FBXO47: variants seen among roughly 807,000 people sequenced by gnomAD.
FBXO47 encodes the protein F-box protein 47, also known as F-box only protein 47.
A neutral mutation model predicts 53.9 loss-of-function variants in FBXO47; 34 were observed. That is an observed-to-expected ratio of 0.63 (90% CI 0.48 to 0.84). The LOEUF is 0.84. Ranked by LOEUF, FBXO47 falls within the 40% of genes least tolerant of loss-of-function variation. The pLI is 0.00. For missense variants in FBXO47, 485 were observed against 541.3 expected (o/e 0.90, Z 1.03); for synonymous variants, 165 against 181.6 (o/e 0.91, Z 0.73).
intron 6 of FBXO47, 93 bp from the exon 7 acceptor site, chr17:38,945,229 T>TTCTAAACTAGGA: frequency 1.2e-6 from 1 of 867,678 alleles, no homozygotes; most frequent in Non-Finnish European, 1.8e-6. Context: ...TCATTATGGT[T>TTCTAAACTAGGA]AGTGATAGTA....
intron 5 of FBXO47, among the ~76,000 whole-genome samples, chr17:38,953,125 C>CCACACACACACACA (rs768926649): frequency 1.0e-4 from 12 of 117,870 alleles, no homozygotes; most frequent in African/African-American, 1.7e-4. Flanking sequence ...AAAAAAAAAA[C>CCACACACACACACA]CACACACACA....
intron 5 of FBXO47, 101 bp from the exon 6 acceptor site, chr17:38,951,790 G>A (rs987325079): frequency 1.3e-6 from 1 of 788,512 alleles, no homozygotes; most frequent in African/African-American, 1.7e-5. Flanking sequence ...CAACACTTTG[G>A]GAGGCCAAGG....
intron 6 of FBXO47, among the ~76,000 whole-genome samples, chr17:38,946,467 A>AT (rs1567716841): frequency 3.8e-4 from 27 of 71,978 alleles, no homozygotes; most frequent in Admixed American, 2.2e-3. Flanking sequence ...AATATATATG[A>AT]ATATATATAA....
Position 38,945,275 on chromosome 17 carries a change from A to G in FBXO47, c.617-139T>C, listed in dbSNP as rs9900227. The stretch of plus-strand genomic sequence containing the variant: ...CTAAACAGGAAGTAACCAAGAGATT[A>G]TCTATTCTTAAACTCCCCTAACTTC... On this transcript the variant is annotated intron_variant, in intron 6 of 10. Coordinates refer to ENST00000378079, the MANE Select transcript of FBXO47 (RefSeq NM_001008777.3). 8.8e-3 allele frequency: 5,369 copies of G among 609,970 alleles called. 220 individuals are homozygous for G. The African/African-American group carries it at 0.09, about 10-fold the overall frequency. 37.8% of individuals were successfully genotyped at this position (609,970 alleles called of 1,614,324 possible).
intron 9 of FBXO47, among the ~76,000 whole-genome samples, chr17:38,939,201 G>A (rs1345131340): frequency 7.0e-6 from 1 of 143,612 alleles, no homozygotes; most frequent in African/African-American, 2.6e-5. Context: ...GCTGAGGCAG[G>A]AGAATCACTT....
intron 1 of FBXO47, among the ~76,000 whole-genome samples, chr17:38,965,038 C>T (rs944396274): frequency 3.3e-5 from 5 of 151,954 alleles, no homozygotes; most frequent in East Asian, 3.9e-4. Flanking sequence ...TTAGTAGAGA[C>T]GGGGTTTCAC....
At chr17:38,964,224 C>T (rs886968749) in intron 1 of FBXO47, among the ~76,000 whole-genome samples, 3 of 152,106 alleles carry the variant, frequency 2.0e-5, no homozygotes, top group African/African-American at 4.8e-5. Context: ...CTTTGGGAGG[C>T]GGAGGTGGGT....
chr17:38,941,972 G>A (rs925893491), intron 9 of FBXO47, among the ~76,000 whole-genome samples: 4 of 151,704 alleles, frequency 2.6e-5, no homozygotes, highest in Non-Finnish European at 5.9e-5. Flanking sequence ...CATCCCGTCC[G>A]GCCTAAATAT....
At chr17:38,956,230 T>A (rs1158594658) in intron 4 of FBXO47, among the ~76,000 whole-genome samples, 1 of 152,036 alleles carries the variant, frequency 6.6e-6, no homozygotes, top group Non-Finnish European at 1.5e-5. Context: ...ATGAATTGGA[T>A]GACAGAAAGG....
At position 38,967,379 on chromosome 17, in the gene FBXO47, A is replaced by T. The variant is rs956439112; in HGVS notation, c.-177T>A. 1.3e-5 allele frequency: 2 copies of T among 152,120 alleles called. No individual in the cohort carries two copies. Among genetic ancestry groups the T allele is most frequent in the African/African-American group, 4.8e-5 (2 of 41,428 alleles). 9.4% of individuals were successfully genotyped at this position (152,120 alleles called of 1,614,324 possible). A position where few individuals can be genotyped will look rare whatever the true frequency, so the allele number is the denominator to read the frequency against. ...GGAGGCGAGAGGGTCACACTCCCGT[A>T]GGCTCCGGAGCTGCAGCCCTACCCA... On this transcript the variant is annotated 5_prime_UTR_variant, in exon 1 of 11. Coordinates refer to ENST00000378079, the MANE Select transcript of FBXO47 (RefSeq NM_001008777.3).
At chr17:38,946,927 CAT>C (rs1376044090) in intron 6 of FBXO47, among the ~76,000 whole-genome samples, 23 of 107,282 alleles carry the variant, frequency 2.1e-4, no homozygotes, top group African/African-American at 6.0e-4. Flanking sequence ...CATATATAAA[CAT>C]ATAAATATAT....
At chr17:38,945,265 C>A in intron 6 of FBXO47, 129 bp from the exon 7 acceptor site, 1 of 632,540 alleles carries the variant, frequency 1.6e-6, no homozygotes, top group African/African-American at 1.8e-5. Context: ...CAGGAAGTAA[C>A]CAAGAGATTA....
chr17:38,950,829 C>T (rs1210402576), intron 6 of FBXO47, among the ~76,000 whole-genome samples: 2 of 151,982 alleles, frequency 1.3e-5, no homozygotes, highest in East Asian at 1.9e-4. Context: ...TGCTTTTTGC[C>T]CCACTGTCTT....
At position 38,945,088 on chromosome 17, in the gene FBXO47, A is replaced by C. The variant is rs368285413; in HGVS notation, c.665T>G (p.Val222Gly). The change falls in exon 7 of 11, where the codon GTC becomes GGC. Residue 222 changes from valine (V) to glycine (G), a missense_variant. Val to Gly is a moderately radical substitution (Grantham distance 109). Coordinates refer to ENST00000378079, the MANE Select transcript of FBXO47 (RefSeq NM_001008777.3). ...TCGATGTGTCCAATGATCAAGGAGG[A>C]CATTCCTACAGAAGAGTCTGATTCT... ...ELRIRLFCRN[V>G]LLDHWTHRSD... The C allele has an allele frequency of 1.1e-5, 18 of 1,613,900 alleles. No homozygotes were observed. In the East Asian group the frequency reaches 4.0e-4, roughly 36 times the overall value.
intron 8 of FBXO47, 137 bp downstream of exon 8, chr17:38,943,453 C>T: frequency 1.9e-6 from 1 of 515,442 alleles, no homozygotes; most frequent in Non-Finnish European, 3.2e-6. Flanking sequence ...TAATGCCAAA[C>T]TCTTTAAATA....
intron 5 of FBXO47, among the ~76,000 whole-genome samples, chr17:38,953,813 CAAAG>C (rs1598145806): frequency 6.6e-6 from 1 of 151,748 alleles, no homozygotes; most frequent in Non-Finnish European, 1.5e-5. Flanking sequence ...TTACATGTCC[CAAAG>C]AAAGAAAGAA....
In FBXO47 at chr17:38,938,593, AT is replaced by A. The variant is rs746536363; in HGVS notation, c.1222del (p.Met408CysfsTer18). ...ANAFACVIME[M>X]LQSIMSGDRD... ...CTCACCAGACATAATTGATTGCAGC[AT>A]TTCCATTATAACACATGCAAATGCA... On this transcript the variant is annotated frameshift_variant, in exon 10 of 11. Transcript: ENST00000378079. LOFTEE classifies it high-confidence loss of function. 3 of 1,612,218 alleles carry A rather than the reference AT, an allele frequency of 1.9e-6. No homozygotes were observed. Among genetic ancestry groups the A allele is most frequent in the South Asian group, 2.2e-5 (2 of 91,044 alleles).
Position 38,937,188 on chromosome 17 carries a change from G to A in FBXO47, c.1346C>T (p.Pro449Leu). Residue 449 changes from proline (P) to leucine (L), a missense_variant, in exon 11 of 11, where the codon CCT (proline) becomes CTT (leucine). Transcript: ENST00000378079. ...KEVLYLTMNT[P>L]LST ...CTTTCTGAGGATTTAGGTAGACAGAGGAGTATTCATGGTCAAATACAGGAC... is the reference window on the plus strand; with the variant it reads ...CTTTCTGAGGATTTAGGTAGACAGAAGAGTATTCATGGTCAAATACAGGAC... The A allele has an allele frequency of 1.3e-6, 2 of 1,515,170 alleles. No homozygotes were observed. The highest frequency in any genetic ancestry group is 1.1e-5 in the South Asian group (1 of 88,134). 93.9% of individuals were successfully genotyped at this position (1,515,170 alleles called of 1,614,324 possible).
Position 38,953,164 on chromosome 17 carries a change from CACAA to C in FBXO47, c.508-1479_508-1476del, listed in dbSNP as rs568778896. 9.1e-3 allele frequency among the ~76,000 whole-genome samples: 1,284 copies of C among 140,886 alleles called. 28 individuals are homozygous for C. The highest frequency in any genetic ancestry group is 0.075 in the East Asian group (374 of 4,992). 92.4% of individuals were successfully genotyped at this position (140,886 alleles called of 152,430 possible). A position where few individuals can be genotyped will look rare whatever the true frequency, so the allele number is the denominator to read the frequency against. ...ACACACACACACACACACACACACA[CACAA>C]AATAGCTAGGTGTGGTGGCAGGCCC... On this transcript the variant is annotated intron_variant, in intron 5 of 10. Coordinates refer to ENST00000378079, the MANE Select transcript of FBXO47 (RefSeq NM_001008777.3).
Sources: gnomAD v4.1 joint callset for allele counts (sites outside exome capture counted in the v4.1 genomes callset) on GRCh38, gnomAD v4.1.1 for gene constraint, MANE v1.5 for transcripts, NCBI Gene and HGNC (gene_info 2026-07-23, HGNC 2026-07-21) for gene names.